Variants in TUSC3 observed in about 807,000 individuals in gnomAD.
TUSC3 encodes tumor suppressor candidate 3.
Under a neutral mutation model 44.8 loss-of-function variants are expected in TUSC3, and 45 were observed. The ratio of observed to expected loss-of-function variants is 1.00; its 90% CI spans 0.79 to 1.29. TUSC3 has a LOEUF of 1.29. TUSC3 is among the 50% of genes most tolerant of loss of function. The probability of loss-of-function intolerance (pLI) is 0.00; values close to 1 mark genes in which losing one functional copy is unlikely to be tolerated. For synonymous variants in TUSC3, 212 were observed against 152.9 expected, an observed-to-expected ratio of 1.39 and a Z score of -2.85; for missense variants, 519 against 437.9, an observed-to-expected ratio of 1.19 and a Z score of -1.65.
intron 9 of TUSC3, among the ~76,000 whole-genome samples, chr8:15,753,225 T>A (rs1245271843): frequency 6.6e-6 from 1 of 152,008 alleles, no homozygotes; most frequent in Non-Finnish European, 1.5e-5. Context: ...CTGTCCAATT[T>A]AAAAAATCCC....
At chr8:15,848,516 A>AC in the TUSC3 span, among the ~76,000 whole-genome samples, 1 of 152,184 alleles carries the variant, frequency 6.6e-6, no homozygotes, top group African/African-American at 2.4e-5. Context: ...GACCCCATCT[A>AC]TCCCAGGCAG....
intron 6 of TUSC3, among the ~76,000 whole-genome samples, chr8:15,681,844 A>G (rs972759442): frequency 2.6e-5 from 4 of 151,956 alleles, no homozygotes; most frequent in African/African-American, 4.8e-5. Flanking sequence ...CTGTATCCCA[A>G]AGATTTTGGT....
chr8:15,811,388 G>C, the TUSC3 span, among the ~76,000 whole-genome samples: 3 of 152,080 alleles, frequency 2.0e-5, no homozygotes, highest in Admixed American at 6.6e-5. Context: ...ATTCCTTCAC[G>C]ATCATAAGAG....
chr8:15,694,560 T>C (rs188175578), intron 6 of TUSC3, among the ~76,000 whole-genome samples: 1 of 152,028 alleles, frequency 6.6e-6, no homozygotes, highest in African/African-American at 2.4e-5. Context: ...CTTCGTGGGC[T>C]GATGTCCCTT....
intron 2 of TUSC3, among the ~76,000 whole-genome samples, chr8:15,514,371 C>G (rs534299595): frequency 6.6e-6 from 1 of 151,850 alleles, no homozygotes; most frequent in Non-Finnish European, 1.5e-5. Context: ...TGAAGTTGAG[C>G]AAGAAAATTA....
At chr8:15,835,749 C>T in the TUSC3 span, among the ~76,000 whole-genome samples, 47 of 152,070 alleles carry the variant, frequency 3.1e-4, no homozygotes, top group African/African-American at 1.1e-3. Flanking sequence ...TGTATGTGTG[C>T]GTTGTGGGGT....
intron 6 of TUSC3, among the ~76,000 whole-genome samples, chr8:15,682,363 A>G (rs1808461752): frequency 6.6e-6 from 1 of 152,182 alleles, no homozygotes; most frequent in African/African-American, 2.4e-5. Flanking sequence ...GGATTCATAT[A>G]TATTTAAGAT....
the TUSC3 span, among the ~76,000 whole-genome samples, chr8:15,847,034 G>A: frequency 7.2e-5 from 11 of 152,000 alleles, no homozygotes; most frequent in South Asian, 2.1e-4. Context: ...TCAGCATAAC[G>A]CCCTAGTCCA....
chr8:15,735,610 T>G (rs1810893934), intron 7 of TUSC3, among the ~76,000 whole-genome samples: 1 of 152,248 alleles, frequency 6.6e-6, no homozygotes, highest in Non-Finnish European at 1.5e-5. Context: ...GCCAGTAATG[T>G]TCTCACCAAA....
intron 1 of TUSC3, among the ~76,000 whole-genome samples, chr8:15,549,263 T>C (rs1285881465): frequency 1.3e-5 from 2 of 151,752 alleles, no homozygotes; most frequent in Non-Finnish European, 2.9e-5. Context: ...AACCCCTGCC[T>C]CCCGGATTCA....
At chr8:15,800,406 C>G in the TUSC3 span, among the ~76,000 whole-genome samples, 1 of 151,884 alleles carries the variant, frequency 6.6e-6, no homozygotes, top group East Asian at 1.9e-4. Context: ...AAACCCGTAT[C>G]TACAAAAAAT....
intron 1 of TUSC3, among the ~76,000 whole-genome samples, chr8:15,611,411 A>G (rs759909607): frequency 3.0e-4 from 46 of 151,880 alleles, no homozygotes; most frequent in Non-Finnish European, 6.0e-4. Context: ...GTGGTCTCAA[A>G]CTCCTGACCT....
chr8:15,454,277 T>G (rs1187304080), intron 1 of TUSC3, among the ~76,000 whole-genome samples: 1 of 152,206 alleles, frequency 6.6e-6, no homozygotes, highest in Non-Finnish European at 1.5e-5. Flanking sequence ...TTATTCCTGA[T>G]CTAAAGCTTC....
At chr8:15,823,086 G>A in the TUSC3 span, among the ~76,000 whole-genome samples, 6 of 152,224 alleles carry the variant, frequency 3.9e-5, 1 homozygote, top group South Asian at 1.2e-3. Context: ...TTGCCTTAAA[G>A]TTAAAAATAC....
chr8:15,720,201 TAC>T (rs60082069), intron 6 of TUSC3, among the ~76,000 whole-genome samples: 59 of 141,704 alleles, frequency 4.2e-4, no homozygotes, highest in African/African-American at 1.2e-3. Context: ...TATATATATA[TAC>T]ACACACACAC....
the TUSC3 span, among the ~76,000 whole-genome samples, chr8:15,793,690 C>G: frequency 1.3e-5 from 2 of 152,174 alleles, no homozygotes; most frequent in Non-Finnish European, 1.5e-5. Context: ...TCCATGAGGG[C>G]AGGATTTTTT....
At chr8:15,586,812 T>G (rs1237347697) in intron 1 of TUSC3, among the ~76,000 whole-genome samples, 5 of 152,184 alleles carry the variant, frequency 3.3e-5, no homozygotes, top group African/African-American at 7.2e-5. Flanking sequence ...CAGCATTAGT[T>G]TAATCCAGTA....
chr8:15,825,004 T>G, the TUSC3 span, among the ~76,000 whole-genome samples: 3 of 152,190 alleles, frequency 2.0e-5, no homozygotes, highest in Non-Finnish European at 4.4e-5. Context: ...TCTTTATTGT[T>G]GATTCATTTA....
chr8:15,715,991 C>T (rs1239323538), intron 6 of TUSC3, among the ~76,000 whole-genome samples: 1 of 152,058 alleles, frequency 6.6e-6, no homozygotes. Flanking sequence ...TGTGGTGGCA[C>T]TCGCTTGTAA....
Sources: allele counts gnomAD v4.1 joint callset (sites outside exome capture counted in the v4.1 genomes callset), GRCh38; gene constraint gnomAD v4.1.1; transcripts MANE v1.5; gene names NCBI Gene and HGNC (gene_info 2026-07-23, HGNC 2026-07-21).